DLG1: variants seen among roughly 807,000 people sequenced by gnomAD.
The protein encoded by DLG1 is discs large MAGUK scaffold protein 1.
Under a neutral mutation model 123.4 loss-of-function variants are expected in DLG1, and 42 were observed. The observed-to-expected ratio is 0.34, with a 90% CI of 0.27 to 0.44. The LOEUF is 0.44. Among genes scored for constraint, DLG1 ranks in the 20% least tolerant of loss-of-function variants. The pLI, the probability that DLG1 is intolerant of heterozygous loss-of-function variation, is 1.00. For synonymous variants in DLG1, 317 were observed against 356.2 expected, an observed-to-expected ratio of 0.89 and a Z score of 1.24; for missense variants, 942 against 1,082.6, an observed-to-expected ratio of 0.87 and a Z score of 1.82.
chr3:197,145,041 T>TCG (rs1278435743), intron 6 of DLG1, among the ~76,000 whole-genome samples: 1 of 125,506 alleles, frequency 8.0e-6, no homozygotes, highest in Non-Finnish European at 1.7e-5. Flanking sequence ...GCTTGCTTGC[T>TCG]CTCTCTCTCT....
chr3:197,058,160 A>C (rs1397667021), intron 23 of DLG1, among the ~76,000 whole-genome samples: 1 of 151,894 alleles, frequency 6.6e-6, no homozygotes, highest in Non-Finnish European at 1.5e-5. Context: ...TTGTATTTTT[A>C]GTAGAGACAG....
chr3:197,117,992 A>G (rs1320897069), intron 12 of DLG1, among the ~76,000 whole-genome samples: 1 of 151,686 alleles, frequency 6.6e-6, no homozygotes, highest in East Asian at 1.9e-4. Flanking sequence ...TACTTTTTTG[A>G]TATTGGTAAC....
intron 4 of DLG1, among the ~76,000 whole-genome samples, chr3:197,222,656 C>T (rs1298431611): frequency 6.6e-6 from 1 of 152,152 alleles, no homozygotes; most frequent in Admixed American, 6.5e-5. Flanking sequence ...AGAAACACAG[C>T]TAAGTGGGAA....
intron 4 of DLG1, among the ~76,000 whole-genome samples, chr3:197,278,712 C>T (rs182093020): frequency 7.9e-5 from 12 of 151,426 alleles, no homozygotes; most frequent in African/African-American, 2.9e-4. Flanking sequence ...TGACAAATGA[C>T]CTGGCAAGAA....
intron 2 of DLG1, chr3:197,296,932 A>T: frequency 2.0e-6 from 1 of 492,514 alleles, no homozygotes; most frequent in South Asian, 2.6e-5. Flanking sequence ...ACACCAATTC[A>T]GGGTTATTAA....
At chr3:197,174,007 C>T (rs752842888) in intron 5 of DLG1, among the ~76,000 whole-genome samples, 6 of 152,084 alleles carry the variant, frequency 3.9e-5, no homozygotes, top group East Asian at 1.9e-4. Flanking sequence ...CACTTGAACC[C>T]GGGAGGTGGA....
intron 11 of DLG1, among the ~76,000 whole-genome samples, chr3:197,124,621 G>C (rs1489549096): frequency 6.6e-6 from 1 of 152,054 alleles, no homozygotes; most frequent in Non-Finnish European, 1.5e-5. Context: ...CTGGAGTGCA[G>C]TGGCCAGACA....
chr3:197,081,057 A>C lies in DLG1; in HGVS notation c.1899T>G (p.Asp633Glu), dbSNP rs35430440. 17,947 of 1,612,744 alleles carry C rather than the reference A, an allele frequency of 0.011. 138 individuals are homozygous for C. The highest frequency in any genetic ancestry group is 0.014 in the Non-Finnish European group (16,021 of 1,179,204). The change falls in exon 17 of 25, where the codon GAT becomes GAG. Residue 633 changes from aspartate (D) to glutamate (E), a missense_variant. Physicochemically the swap from Asp to Glu is conservative, Grantham distance 45. Transcript: ENST00000667157. ...KTVKFNSKTR[D>E]KGQSFNDKRK... Reference sequence around the variant, plus strand: ...AGAGATTTCAAATACTCACCCCTTTATCTCTCGTTTTAGAATTGAATTTCA... The same window carrying C: ...AGAGATTTCAAATACTCACCCCTTTCTCTCTCGTTTTAGAATTGAATTTCA...
At chr3:197,169,152 T>C (rs1802840308) in intron 5 of DLG1, among the ~76,000 whole-genome samples, 1 of 152,214 alleles carries the variant, frequency 6.6e-6, no homozygotes, top group Non-Finnish European at 1.5e-5. Context: ...GCCATTTGCA[T>C]CTGTTCTGCA....
At chr3:197,059,769 A>T (rs905085794) in intron 23 of DLG1, 120 bp downstream of exon 23, 15 of 646,142 alleles carry the variant, frequency 2.3e-5, no homozygotes, top group African/African-American at 3.7e-5. Context: ...TCTGAGGTGA[A>T]TAAACATACT....
intron 11 of DLG1, among the ~76,000 whole-genome samples, chr3:197,125,463 C>A (rs1342112868): frequency 6.6e-6 from 1 of 151,926 alleles, no homozygotes; most frequent in Non-Finnish European, 1.5e-5. Context: ...ACATGAGAAA[C>A]CATGGAATCT....
rs1739845677 is a variant in DLG1 at position 197,066,705 on chromosome 3, T to C, written c.2097A>G (p.Glu699=). 3 of 1,601,908 alleles carry C rather than the reference T, an allele frequency of 1.9e-6. No individual in the cohort carries two copies. Among genetic ancestry groups the C allele is most frequent in the East Asian group, 2.2e-5 (1 of 44,598 alleles). Residue 699 remains glutamate (E), a splice_region_variant and synonymous_variant, in exon 20 of 25, where the codon GAA becomes GAG. Transcript: ENST00000667157. The part of the protein sequence containing the change: ...VLSYEPVNQQ[E]VNYTRPVIIL... ...AAAACATCAATAGGCTTCACAAACC[T>C]TCTTGTTGATTCACTGGTTCATAAG...
intron 14 of DLG1, among the ~76,000 whole-genome samples, chr3:197,103,002 A>C (rs954726077): frequency 6.6e-6 from 1 of 152,242 alleles, no homozygotes; most frequent in Admixed American, 6.5e-5. Context: ...ATCTGATCCT[A>C]CAGAGGCAGG....
At position 197,043,832 on chromosome 3, in the gene DLG1, C is replaced by G. The variant is rs1353748614; in HGVS notation, c.*791G>C. 1.3e-5 allele frequency: 2 copies of G among 152,122 alleles called. No homozygotes were observed. Among genetic ancestry groups the G allele is most frequent in the Non-Finnish European group, 2.9e-5 (2 of 67,986 alleles). The allele number at this position is 152,122 out of a possible 1,614,324, so 9.4% of individuals were successfully genotyped here. The stretch of plus-strand genomic sequence containing the variant: ...ACGTCTGATTTATCTGTATTTATAT[C>G]TAGGAAATTTTCTCAATCTTCTGTG... On this transcript the variant is annotated 3_prime_UTR_variant, in exon 25 of 25. Transcript: ENST00000667157.
chr3:197,261,583 G>A (rs1333990600), intron 4 of DLG1, among the ~76,000 whole-genome samples: 3 of 152,156 alleles, frequency 2.0e-5, no homozygotes, highest in African/African-American at 7.2e-5. Flanking sequence ...CAACTGAACT[G>A]TTCCTACTTG....
chr3:197,094,728 T>C (rs1164426259), intron 14 of DLG1, among the ~76,000 whole-genome samples: 1 of 152,184 alleles, frequency 6.6e-6, no homozygotes, highest in African/African-American at 2.4e-5. Context: ...CCCCAGGAAG[T>C]GTTTATACGA....
At chr3:197,089,399 T>C (rs1756361901) in intron 15 of DLG1, among the ~76,000 whole-genome samples, 1 of 151,886 alleles carries the variant, frequency 6.6e-6, no homozygotes. Flanking sequence ...TGGTGGCATG[T>C]GCCTACAGTC....
intron 4 of DLG1, among the ~76,000 whole-genome samples, chr3:197,269,786 T>C (rs1158045426): frequency 6.6e-6 from 1 of 152,192 alleles, no homozygotes. Context: ...TATTACAATG[T>C]ATGTGATGTG....
At chr3:197,076,510 A>G in intron 18 of DLG1, 76 bp downstream of exon 18, 2 of 1,118,378 alleles carry the variant, frequency 1.8e-6, no homozygotes, top group Non-Finnish European at 2.6e-6. Context: ...AACTGTCTCC[A>G]TGGTAACAAC....
Sources: allele counts gnomAD v4.1 joint callset (sites outside exome capture counted in the v4.1 genomes callset), GRCh38; gene constraint gnomAD v4.1.1; transcripts MANE v1.5; gene names NCBI Gene and HGNC (gene_info 2026-07-23, HGNC 2026-07-21).